The following GARIN1A variants were observed in gnomAD, a reference collection of about 807,000 sequenced individuals.
GARIN1A encodes the protein Golgi-associated RAB2 interactor protein 1A.
At chr7:128,680,564 C>CTTT in the GARIN1A span, among the ~76,000 whole-genome samples, 19 of 113,752 alleles carry the variant, frequency 1.7e-4, 1 homozygote, top group South Asian at 5.8e-4. Context: ...TTCTTTCTTT[C>CTTT]TTTTTATTTT....
At chr7:128,692,250 A>G in the GARIN1A span, among the ~76,000 whole-genome samples, 1 of 152,222 alleles carries the variant, frequency 6.6e-6, no homozygotes, top group Admixed American at 6.5e-5. Flanking sequence ...TGTACCTGCC[A>G]GTGCCTGGGT....
the GARIN1A span, among the ~76,000 whole-genome samples, chr7:128,700,933 A>G: frequency 1.1e-4 from 16 of 152,246 alleles, no homozygotes; most frequent in African/African-American, 3.8e-4. Context: ...AGAAGAAAGA[A>G]ACACAGTTGT....
the GARIN1A span, chr7:128,675,683 GCC>G: frequency 6.2e-7 from 1 of 1,613,564 alleles, no homozygotes; most frequent in Non-Finnish European, 8.5e-7. Context: ...AGGTCACTAA[GCC>G]CGGGAACTGG....
the GARIN1A span, chr7:128,677,957 A>G: frequency 1.4e-5 from 8 of 592,564 alleles, no homozygotes; most frequent in African/African-American, 1.5e-4. Flanking sequence ...ATTCAGTAGT[A>G]TGAATGAATT....
At chr7:128,675,618 A>ATGC in the GARIN1A span, 1 of 1,578,432 alleles carries the variant, frequency 6.3e-7, no homozygotes, top group East Asian at 2.2e-5. Context: ...CAGCATCTGT[A>ATGC]TTCCACCCCT....
the GARIN1A span, chr7:128,675,653 T>A: frequency 1.2e-6 from 2 of 1,612,120 alleles, no homozygotes; most frequent in African/African-American, 1.3e-5. Flanking sequence ...TTCTGACCCA[T>A]GTACCTGAGG....
the GARIN1A span, among the ~76,000 whole-genome samples, chr7:128,702,287 T>A: frequency 5.3e-5 from 8 of 152,192 alleles, no homozygotes; most frequent in African/African-American, 1.9e-4. Flanking sequence ...AATTTTAGTT[T>A]CTCTAAAAGG....
chr7:128,695,678 T>C, the GARIN1A span, among the ~76,000 whole-genome samples: 1 of 152,084 alleles, frequency 6.6e-6, no homozygotes, highest in South Asian at 2.1e-4. The surrounding 1 kb of genome is among the most constrained non-coding windows in gnomAD (Gnocchi z 4.5). Flanking sequence ...GTAGCTGTGA[T>C]TACAGGTGTG....
chr7:128,679,997 A>AC, the GARIN1A span: 3 of 1,373,302 alleles, frequency 2.2e-6, no homozygotes, highest in Non-Finnish European at 3.0e-6. Flanking sequence ...CTCTGAGCAG[A>AC]CCTAGCCATC....
At chr7:128,704,171 C>A in the GARIN1A span, among the ~76,000 whole-genome samples, 2 of 124,828 alleles carry the variant, frequency 1.6e-5, no homozygotes, top group South Asian at 5.3e-4. Context: ...TGGTCCCCAA[C>A]CTTTTTGGCA....
chr7:128,694,335 T>C, the GARIN1A span, among the ~76,000 whole-genome samples: 458 of 152,086 alleles, frequency 3.0e-3, 2 homozygotes, highest in African/African-American at 0.01. Context: ...AGTTCAAGAC[T>C]AGCCTAGCCA....
the GARIN1A span, among the ~76,000 whole-genome samples, chr7:128,705,655 GTTTTTTTTTTT>G: frequency 6.5e-5 from 4 of 61,498 alleles, no homozygotes; most frequent in African/African-American, 2.1e-4. Context: ...TTTTTTTGGT[GTTTTTTTTTTT>G]TTTTTTTTTT....
chr7:128,679,185 T>C, the GARIN1A span, among the ~76,000 whole-genome samples: 2 of 151,910 alleles, frequency 1.3e-5, no homozygotes, highest in Admixed American at 6.6e-5. Context: ...TCTAAATTGA[T>C]TTGTAAAATT....
chr7:128,688,308 C>G, the GARIN1A span, among the ~76,000 whole-genome samples: 1 of 152,088 alleles, frequency 6.6e-6, no homozygotes, highest in South Asian at 2.1e-4. Context: ...CCGCGCCTGG[C>G]CCCCCTGGTT....
chr7:128,702,240 G>A, the GARIN1A span, among the ~76,000 whole-genome samples: 1,414 of 152,156 alleles, frequency 9.3e-3, 25 homozygotes, highest in African/African-American at 0.032. Context: ...CACTGGAAAT[G>A]GAATAAAGAA....
At chr7:128,686,875 CA>C in the GARIN1A span, 154 of 121,632 alleles carry the variant, frequency 1.3e-3, no homozygotes, top group Middle Eastern at 4.2e-3. Context: ...GATTCCATCT[CA>C]AAAAAAAAAA....
chr7:128,690,361 G>C, the GARIN1A span: 2 of 154,936 alleles, frequency 1.3e-5, no homozygotes, highest in African/African-American at 4.8e-5. Flanking sequence ...CTATGACCCT[G>C]CCAAATCCCC....
At chr7:128,677,921 T>C in the GARIN1A span, 5 of 960,614 alleles carry the variant, frequency 5.2e-6, no homozygotes, top group East Asian at 5.4e-5. Context: ...TAAAAGCTCT[T>C]TGTAAATATC....
At chr7:128,675,807 C>G in the GARIN1A span, 1 of 1,613,876 alleles carries the variant, frequency 6.2e-7, no homozygotes, top group South Asian at 1.1e-5. Flanking sequence ...GCCCCAGGGT[C>G]CATTTACCAC....
Sources: allele counts gnomAD v4.1 joint callset (sites outside exome capture counted in the v4.1 genomes callset), GRCh38; gene constraint gnomAD v4.1.1; non-coding constraint Gnocchi (gnomAD v3.1); transcripts MANE v1.5; gene names NCBI Gene and HGNC (gene_info 2026-07-23, HGNC 2026-07-21).